Variants in IQCM observed in about 807,000 individuals in gnomAD.
IQCM encodes the protein IQ motif containing M.
IQCM carries 45 observed loss-of-function variants against 57.6 expected under a neutral mutation model. The observed-to-expected ratio is 0.78, with a 90% confidence interval of 0.62 to 1.00. The LOEUF (loss-of-function observed/expected upper bound fraction) is 1.00. IQCM is among the 50% of genes least tolerant of loss of function. The pLI, the probability that IQCM is intolerant of heterozygous loss-of-function variation, is 0.00. For synonymous variants in IQCM, 148 were observed against 158.9 expected (o/e 0.93, Z 0.51); for missense variants, 468 against 511.6 (o/e 0.91, Z 0.82).
intron 2 of IQCM, among the ~76,000 whole-genome samples, chr4:149,747,775 T>G (rs1186015714): frequency 2.0e-5 from 3 of 152,196 alleles, no homozygotes; most frequent in African/African-American, 4.8e-5. Flanking sequence ...GGCAAGCCCA[T>G]GAAATCATAC....
intron 12 of IQCM, among the ~76,000 whole-genome samples, chr4:149,523,926 G>A (rs999431515): frequency 6.6e-6 from 1 of 152,118 alleles, no homozygotes; most frequent in Non-Finnish European, 1.5e-5. Flanking sequence ...GGTGGAAATA[G>A]TAACTTGTTC....
At chr4:149,580,184 C>T (rs937966875) in intron 9 of IQCM, among the ~76,000 whole-genome samples, 1 of 151,788 alleles carries the variant, frequency 6.6e-6, no homozygotes, top group African/African-American at 2.4e-5. Context: ...AAAATTGAGA[C>T]TTCTTTTAAT....
Position 149,533,948 on chromosome 4 carries a change from A to C in IQCM, c.1228+14507T>G, listed in dbSNP as rs371215216. ...TGAACTGCACTTTTCATGGAACTAG[A>C]GAGACTAATTCTCACATTTATATAC... is the stretch of plus-strand genomic sequence containing the variant. On this transcript the variant is annotated intron_variant, in intron 12 of 13. Transcript: ENST00000636793. 8.5e-4 allele frequency among the ~76,000 whole-genome samples: 130 copies of C among 152,250 alleles called. No homozygotes were observed. In the Middle Eastern group the frequency reaches 0.01, roughly 12 times the overall value.
chr4:149,767,011 C>T (rs1315155362), intron 2 of IQCM, among the ~76,000 whole-genome samples: 2 of 151,860 alleles, frequency 1.3e-5, no homozygotes, highest in African/African-American at 4.8e-5. Context: ...CTAACAAAAA[C>T]AAATATTAGA....
intron 12 of IQCM, among the ~76,000 whole-genome samples, chr4:149,456,193 C>A (rs906495975): frequency 6.6e-6 from 1 of 151,758 alleles, no homozygotes; most frequent in African/African-American, 2.4e-5. Flanking sequence ...TACAGAAGTA[C>A]GATCAGACAA....
At chr4:149,463,582 C>T (rs1345624467) in intron 12 of IQCM, among the ~76,000 whole-genome samples, 3 of 152,204 alleles carry the variant, frequency 2.0e-5, no homozygotes, top group African/African-American at 7.2e-5. Context: ...TTCTGAATCC[C>T]TGAGGAATGG....
chr4:149,429,270 A>T (rs1301078808), intron 13 of IQCM, among the ~76,000 whole-genome samples: 2 of 151,962 alleles, frequency 1.3e-5, no homozygotes, highest in East Asian at 3.9e-4. Flanking sequence ...AACGGAAGAT[A>T]AGTTAAAAGA....
At chr4:149,653,605 A>G (rs1759385766) in intron 7 of IQCM, among the ~76,000 whole-genome samples, 1 of 152,074 alleles carries the variant, frequency 6.6e-6, no homozygotes, top group Admixed American at 6.6e-5. Context: ...TCCCTGAGCC[A>G]TGGATCAGGT....
intron 12 of IQCM, among the ~76,000 whole-genome samples, chr4:149,486,015 G>C (rs1479720823): frequency 8.8e-6 from 1 of 113,728 alleles, no homozygotes; most frequent in Non-Finnish European, 2.0e-5. Context: ...CAAGCAAACA[G>C]AGTCTCTCTC....
chr4:149,487,245 C>A (rs1741616946), intron 12 of IQCM, among the ~76,000 whole-genome samples: 1 of 152,178 alleles, frequency 6.6e-6, no homozygotes, highest in Non-Finnish European at 1.5e-5. Context: ...GAACCTGGAA[C>A]AGGGACCTCA....
At chr4:149,743,482 C>T (rs1767648377) in intron 2 of IQCM, among the ~76,000 whole-genome samples, 1 of 120,276 alleles carries the variant, frequency 8.3e-6, no homozygotes. Context: ...CAATTTTAGT[C>T]CTATACATTC....
chr4:149,748,215 C>G lies in IQCM; in HGVS notation c.-48-5476G>C, dbSNP rs138003595. ...CCGACTACCTCCCACCCACCTTCAACCCCAGCACTCCAAGTTCAGAGGCAC... is the reference window on the plus strand; with the variant it reads ...CCGACTACCTCCCACCCACCTTCAAGCCCAGCACTCCAAGTTCAGAGGCAC... On this transcript the variant is annotated intron_variant, in intron 2 of 13. Coordinates refer to ENST00000636793, the MANE Select transcript of IQCM (RefSeq NM_001363507.2). 1.5e-3 allele frequency among the ~76,000 whole-genome samples: 225 copies of G among 152,242 alleles called. 1 individual carries two copies. Among genetic ancestry groups the G allele is most frequent in the Non-Finnish European group, 2.1e-3 (145 of 68,030 alleles).
chr4:149,577,884 C>T (rs540221415), intron 9 of IQCM, among the ~76,000 whole-genome samples: 1 of 151,862 alleles, frequency 6.6e-6, no homozygotes, highest in African/African-American at 2.4e-5. Context: ...TTGTTTGGGT[C>T]ATCCTTGATT....
intron 3 of IQCM, among the ~76,000 whole-genome samples, chr4:149,741,082 G>T (rs1216922065): frequency 6.6e-6 from 1 of 152,052 alleles, no homozygotes; most frequent in Non-Finnish European, 1.5e-5. Context: ...AAGAGTTAAA[G>T]AACCAAATGA....
chr4:149,580,122 C>A (rs1752037799), intron 9 of IQCM, among the ~76,000 whole-genome samples: 1 of 151,718 alleles, frequency 6.6e-6, no homozygotes, highest in Non-Finnish European at 1.5e-5. Flanking sequence ...AATGATAGAA[C>A]AAATACTGAT....
At chr4:149,547,608 A>T (rs982757925) in intron 12 of IQCM, among the ~76,000 whole-genome samples, 1 of 152,088 alleles carries the variant, frequency 6.6e-6, no homozygotes, top group Non-Finnish European at 1.5e-5. Flanking sequence ...TACTGTATTG[A>T]TTACCTGAAA....
intron 9 of IQCM, among the ~76,000 whole-genome samples, chr4:149,581,731 T>C (rs1752202398): frequency 1.3e-5 from 2 of 151,714 alleles, no homozygotes; most frequent in Non-Finnish European, 2.9e-5. Context: ...ACTGTGTTTT[T>C]TCCTGAGCAT....
intron 5 of IQCM, among the ~76,000 whole-genome samples, chr4:149,700,512 G>C (rs1480875949): frequency 1.3e-5 from 2 of 151,880 alleles, no homozygotes. Context: ...CTCACAGCTG[G>C]GTACCTACTG....
Position 149,548,528 on chromosome 4 carries a change from G to A in IQCM, c.1155C>T (p.Pro385=). 3 of 1,230,860 alleles carry A rather than the reference G, an allele frequency of 2.4e-6. No individual in the cohort carries two copies. Among genetic ancestry groups the A allele is most frequent in the Non-Finnish European group, 3.0e-6 (3 of 986,892 alleles). The allele number at this position is 1,230,860 out of a possible 1,614,324, so 76.2% of individuals were successfully genotyped here. Residue 385 remains proline, a synonymous_variant, in exon 12 of 14, where the codon CCC becomes CCT. Coordinates refer to ENST00000636793, the MANE Select transcript of IQCM (RefSeq NM_001363507.2). The stretch of plus-strand genomic sequence containing the variant: ...AATGACCACAGTCACTGAAGAAATT[G>A]GGGAGCTCATTTCTTTCAATTTTTG... The part of the protein sequence containing the change: ...DWPKIERNEL[P]NFFSDCGHFP...
Sources: allele counts gnomAD v4.1 joint callset (sites outside exome capture counted in the v4.1 genomes callset), GRCh38; gene constraint gnomAD v4.1.1; transcripts MANE v1.5; gene names NCBI Gene and HGNC (gene_info 2026-07-23, HGNC 2026-07-21).